MAP3K13: variants seen among roughly 807,000 people sequenced by gnomAD.
The protein encoded by MAP3K13 is leucine zipper-bearing kinase.
MAP3K13 carries 52 observed loss-of-function variants against 104.0 expected under a neutral mutation model. The observed-to-expected ratio is 0.50, with a 90% CI of 0.40 to 0.63. MAP3K13 has a LOEUF of 0.63. Ranked by LOEUF, MAP3K13 falls within the 20% of genes least tolerant of loss-of-function variation. MAP3K13 has a pLI of 0.00. For missense variants in MAP3K13, 914 were observed against 1,218.5 expected, an observed-to-expected ratio of 0.75 and a Z score of 3.72; for synonymous variants, 394 against 442.2, an observed-to-expected ratio of 0.89 and a Z score of 1.37.
chr3:185,347,947 G>A (rs1003337598), intron 2 of MAP3K13, among the ~76,000 whole-genome samples: 18 of 150,884 alleles, frequency 1.2e-4, no homozygotes, highest in East Asian at 3.9e-4. Flanking sequence ...GGGAGGCGGC[G>A]GTTGCAGTGA....
chr3:185,481,471 C>G (rs1204585277), intron 13 of MAP3K13, among the ~76,000 whole-genome samples: 1 of 149,628 alleles, frequency 6.7e-6, no homozygotes, highest in Non-Finnish European at 1.5e-5. Context: ...GCCTGAGCAA[C>G]AGTGAGACCC....
chr3:185,471,876 T>A (rs496794), intron 10 of MAP3K13, among the ~76,000 whole-genome samples: 3,862 of 152,326 alleles, frequency 0.025, 70 homozygotes, highest in Middle Eastern at 0.051. Context: ...TCATCTCCTG[T>A]TACAATTTCA....
chr3:185,451,605 G>A (rs1045909379), intron 7 of MAP3K13: 3 of 404,964 alleles, frequency 7.4e-6, no homozygotes, highest in East Asian at 4.3e-5. Context: ...GAAAAAACAC[G>A]TGTTGGCCGG....
Position 185,382,695 on chromosome 3 carries a change from G to A in MAP3K13, c.-86+19327G>A, listed in dbSNP as rs1281818791. On this transcript the variant is annotated intron_variant, in intron 1 of 13. Transcript: ENST00000265026. ...TTTCACTCTATTAGTTCCCACAAGAGCTGGTTGTTAAAAAAGAGCCTGGTA... is the reference window on the plus strand; with the variant it reads ...TTTCACTCTATTAGTTCCCACAAGAACTGGTTGTTAAAAAAGAGCCTGGTA... Among the ~76,000 whole-genome samples, 6 of 152,042 alleles carry A rather than the reference G, an allele frequency of 3.9e-5. No individual in the cohort carries two copies. The East Asian group carries it at 9.7e-4, about 25-fold the overall frequency.
At chr3:185,412,980 C>A (rs375785945) in intron 1 of MAP3K13, among the ~76,000 whole-genome samples, 2 of 152,164 alleles carry the variant, frequency 1.3e-5, no homozygotes, top group South Asian at 2.1e-4. Context: ...TAGCAGTAAT[C>A]TAATTTCATT....
chr3:185,488,807 C>T lies in MAP3K13; in HGVS notation c.*6351C>T, dbSNP rs997769985. 1 of 152,252 alleles carries T rather than the reference C, an allele frequency of 6.6e-6. No homozygotes were observed. Among genetic ancestry groups the T allele is most frequent in the African/African-American group, 2.4e-5 (1 of 41,454 alleles). 9.4% of individuals were successfully genotyped at this position (152,252 alleles called of 1,614,324 possible). Reference sequence around the variant, plus strand: ...CCCATATCACCCCAGTGGCTCTTCACCTTCAGAGTGACCACTTCCCAGACT... The same window carrying T: ...CCCATATCACCCCAGTGGCTCTTCATCTTCAGAGTGACCACTTCCCAGACT... On this transcript the variant is annotated 3_prime_UTR_variant, in exon 14 of 14. Coordinates refer to ENST00000265026, the MANE Select transcript of MAP3K13 (RefSeq NM_004721.5).
rs768499794 is a variant in MAP3K13, at chr3:185,465,774, T to C, written c.1416T>C (p.Tyr472=). The change falls in exon 9 of 14, where the codon TAT becomes TAC. Residue 472 remains tyrosine (Y), a synonymous_variant. Transcript: ENST00000265026. The stretch of plus-strand genomic sequence containing the variant: ...ATGCGCTGGATATTCGTGAACACTA[T>C]GAGCGGAAGCTTGAGCGGGCGAATA... ...LRHALDIREH[Y]ERKLERANNL... is the part of the protein sequence containing the mutation. The C allele has an allele frequency of 3.7e-6, 6 of 1,613,978 alleles. No homozygotes were observed. The highest frequency in any genetic ancestry group is 5.1e-6 in the Non-Finnish European group (6 of 1,179,944).
intron 1 of MAP3K13, among the ~76,000 whole-genome samples, chr3:185,393,634 A>C (rs1012382901): frequency 1.3e-5 from 2 of 151,794 alleles, no homozygotes; most frequent in African/African-American, 2.4e-5. Context: ...AATTTTTTGT[A>C]TTTTTAGTAG....
chr3:185,359,480 C>A (rs1469221799), upstream of MAP3K13, among the ~76,000 whole-genome samples: 2 of 152,164 alleles, frequency 1.3e-5, no homozygotes, highest in Non-Finnish European at 2.9e-5. Context: ...ATTCCTGGAT[C>A]TGCACAGTTG....
Position 185,473,197 on chromosome 3 carries a change from C to G in MAP3K13, c.1866C>G (p.His622Gln), listed in dbSNP as rs765018912. The G allele has an allele frequency of 6.2e-7, 1 of 1,614,226 alleles. No homozygotes were observed. Among genetic ancestry groups the G allele is most frequent in the Non-Finnish European group, 8.5e-7 (1 of 1,180,044 alleles). ...QENSPHPTYL[H>Q]QAQSQYPSLH... ...ATTCACCCCATCCCACTTACCTGCA[C>G]CAAGCTCAATCCCAATACCCTTCTC... Residue 622 changes from histidine to glutamine, a missense_variant, in exon 11 of 14, where the codon CAC (histidine) becomes CAG (glutamine). His to Gln is a conservative substitution (Grantham distance 24, BLOSUM62 0). Around this residue, in one of 3 missense-constraint regions of MAP3K13, gnomAD observed 583 missense variants for 737.4 expected, o/e 0.79. Transcript: ENST00000265026. The surrounding 1 kb of genome is among the most constrained non-coding windows in gnomAD (Gnocchi z 4.9).
At chr3:185,318,136 A>G (rs1721739952) in intron 2 of MAP3K13, among the ~76,000 whole-genome samples, 1 of 152,224 alleles carries the variant, frequency 6.6e-6, no homozygotes, top group Non-Finnish European at 1.5e-5. Flanking sequence ...AGTTAAGTTT[A>G]TACCTTTGTG....
intron 1 of MAP3K13, among the ~76,000 whole-genome samples, chr3:185,414,024 A>C (rs1232928238): frequency 6.6e-6 from 1 of 152,192 alleles, no homozygotes; most frequent in Non-Finnish European, 1.5e-5. Context: ...ACAGAAGCCC[A>C]TTATAATATC....
intron 3 of MAP3K13, among the ~76,000 whole-genome samples, chr3:185,441,888 A>G (rs555642758): frequency 5.9e-5 from 9 of 152,182 alleles, no homozygotes; most frequent in Admixed American, 5.2e-4. Context: ...CTAAAATACA[A>G]AAATTAGCTG....
rs1343788911 is a variant in MAP3K13 at position 185,453,851 on chromosome 3, TGA to T, written c.1278+2459_1278+2460del. Among the ~76,000 whole-genome samples, 61 of 14,514 alleles carry T rather than the reference TGA, an allele frequency of 4.2e-3. 10 individuals carry two copies. Among genetic ancestry groups the T allele is most frequent in the Admixed American group, 0.022 (14 of 632 alleles). 9.5% of individuals were successfully genotyped at this position (14,514 alleles called of 152,430 possible). On this transcript the variant is annotated intron_variant, in intron 7 of 13. Transcript: ENST00000265026. ...GATATATATATATGATACATATATA[TGA>T]GATATATATATATGATACATATATA...
intron 2 of MAP3K13, among the ~76,000 whole-genome samples, chr3:185,352,540 A>G (rs1420882090): frequency 1.3e-5 from 2 of 152,200 alleles, no homozygotes; most frequent in Admixed American, 1.3e-4. Flanking sequence ...GACAATCTCT[A>G]CCACTCTACC....
At chr3:185,409,587 A>G (rs1367570688) in intron 1 of MAP3K13, among the ~76,000 whole-genome samples, 1 of 152,194 alleles carries the variant, frequency 6.6e-6, no homozygotes, top group African/African-American at 2.4e-5. Flanking sequence ...GTTCCTCAAA[A>G]AAACACACAT....
chr3:185,463,728 C>T, intron 8 of MAP3K13, 69 bp downstream of exon 8: 1 of 841,236 alleles, frequency 1.2e-6, no homozygotes, highest in Non-Finnish European at 2.0e-6. Context: ...GCACCCTTAT[C>T]ATAACCACCA....
chr3:185,364,957 A>G (rs1034526272), intron 1 of MAP3K13, among the ~76,000 whole-genome samples: 3 of 152,200 alleles, frequency 2.0e-5, no homozygotes, highest in Non-Finnish European at 4.4e-5. Flanking sequence ...ATTTTAAATT[A>G]TTGAAGTCTA....
Position 185,484,582 on chromosome 3 carries a change from T to C in MAP3K13, c.*2126T>C, listed in dbSNP as rs1228794428. The C allele has an allele frequency of 1.3e-5, 2 of 152,210 alleles. No homozygotes were observed. Among genetic ancestry groups the C allele is most frequent in the Non-Finnish European group, 2.9e-5 (2 of 68,036 alleles). The allele number at this position is 152,210 out of a possible 1,614,324, so 9.4% of individuals were successfully genotyped here. On this transcript the variant is annotated 3_prime_UTR_variant, in exon 14 of 14. Transcript: ENST00000265026. ...GAGGGAATTTAGAGTTCCTTTTGCT[T>C]GTTTGATCCATTTGTTTACACTTTA...
Sources: allele counts gnomAD v4.1 joint callset (sites outside exome capture counted in the v4.1 genomes callset), GRCh38; gene constraint gnomAD v4.1.1; regional missense constraint gnomAD v4.1.1; non-coding constraint Gnocchi (gnomAD v3.1); transcripts MANE v1.5; gene names NCBI Gene and HGNC (gene_info 2026-07-23, HGNC 2026-07-21).